Variants in CHL1 observed in about 807,000 individuals in gnomAD.
The protein encoded by CHL1 is neural cell adhesion molecule L1-like protein.
A neutral mutation model predicts 141.9 loss-of-function variants in CHL1; 96 were observed. The observed-to-expected ratio is 0.68, with a 90% CI of 0.57 to 0.80. CHL1 has a LOEUF of 0.80. Ranked by LOEUF, CHL1 falls within the 30% of genes least tolerant of loss-of-function variation. CHL1 has a pLI of 0.00. For synonymous variants in CHL1, 613 were observed against 502.2 expected, an observed-to-expected ratio of 1.22 and a Z score of -2.95; for missense variants, 1,820 against 1,457.2, an observed-to-expected ratio of 1.25 and a Z score of -4.05.
At chr3:211,958 G>A (rs1699937949) in intron 1 of CHL1, among the ~76,000 whole-genome samples, 1 of 152,156 alleles carries the variant, frequency 6.6e-6, no homozygotes. Flanking sequence ...CTGGAACTCG[G>A]ATGTCTGATT....
At chr3:340,971 T>C in intron 6 of CHL1, 55 bp downstream of exon 6, 3 of 1,524,028 alleles carry the variant, frequency 2.0e-6, no homozygotes, top group Non-Finnish European at 2.7e-6. Flanking sequence ...CTATCCATCA[T>C]ATCAATAACA....
chr3:400,504 A>G (rs1365088364), intron 26 of CHL1, among the ~76,000 whole-genome samples: 1 of 151,298 alleles, frequency 6.6e-6, no homozygotes, highest in East Asian at 2.0e-4. Flanking sequence ...AGCATTTCAT[A>G]TTGTAGAGCA....
intron 1 of CHL1, among the ~76,000 whole-genome samples, chr3:218,983 T>TA (rs1700575869): frequency 1.3e-5 from 2 of 151,450 alleles, no homozygotes; most frequent in Non-Finnish European, 1.5e-5. Context: ...CGTCAGTAAA[T>TA]AAAAAATACA....
intron 2 of CHL1, among the ~76,000 whole-genome samples, chr3:282,175 G>A (rs1696722117): frequency 6.6e-6 from 1 of 151,828 alleles, no homozygotes; most frequent in Non-Finnish European, 1.5e-5. Flanking sequence ...TATCTGTTCT[G>A]GGGAATACAA....
At chr3:236,208 G>A (rs780275081) in intron 1 of CHL1, among the ~76,000 whole-genome samples, 1 of 151,988 alleles carries the variant, frequency 6.6e-6, no homozygotes, top group Non-Finnish European at 1.5e-5. Flanking sequence ...ATCCACATTC[G>A]ACTGCAGAAA....
At chr3:259,861 G>A (rs965618133) in intron 2 of CHL1, among the ~76,000 whole-genome samples, 3 of 152,236 alleles carry the variant, frequency 2.0e-5, no homozygotes, top group Admixed American at 6.5e-5. Flanking sequence ...CATGGGGCCC[G>A]TTTAACTTAC....
intron 2 of CHL1, chr3:247,400 AC>A (rs1050515808): frequency 6.6e-6 from 1 of 152,066 alleles, no homozygotes; most frequent in African/African-American, 2.4e-5. Flanking sequence ...AATTCTCTAC[AC>A]ATTGGTCTCA....
At position 319,766 on chromosome 3, in the gene CHL1, C is replaced by T. The variant is rs1221497827; in HGVS notation, c.-11C>T. The stretch of plus-strand genomic sequence containing the variant: ...TTCATTCTTACCGGGTTGTCTTCTT[C>T]CTGAAGAGCAATGGAGCCGCTTTTA... On this transcript the variant is annotated 5_prime_UTR_variant, in exon 3 of 28. Coordinates refer to ENST00000256509, the MANE Select transcript of CHL1 (RefSeq NM_006614.4). The T allele has an allele frequency of 6.3e-7, 1 of 1,578,498 alleles. No individual in the cohort carries two copies. The highest frequency in any genetic ancestry group is 8.7e-7 in the Non-Finnish European group (1 of 1,150,794).
Position 360,352 on chromosome 3 carries a change from A to T in CHL1, c.1234A>T (p.Thr412Ser), listed in dbSNP as rs925877053. Residue 412 changes from threonine (T) to serine (S), a missense_variant, in exon 12 of 28, where the codon ACT (threonine) becomes TCT (serine). By Grantham distance (58) the Thr-to-Ser change is moderately conservative. Coordinates refer to ENST00000256509, the MANE Select transcript of CHL1 (RefSeq NM_006614.4). ...TTTTACCAACCTTCAACCAAATCAT[A>T]CTGCTGTGTACCAGTGTGAAGCCTC... is the stretch of plus-strand genomic sequence containing the variant. ...ISFTNLQPNH[T>S]AVYQCEASNV... 1.9e-6 allele frequency: 3 copies of T among 1,613,792 alleles called. No individual in the cohort carries two copies. The highest frequency in any genetic ancestry group is 1.3e-5 in the African/African-American group (1 of 74,984).
intron 2 of CHL1, among the ~76,000 whole-genome samples, chr3:260,806 G>A (rs893216753): frequency 6.6e-6 from 1 of 152,158 alleles, no homozygotes; most frequent in Non-Finnish European, 1.5e-5. Context: ...TAAGGGAGGA[G>A]AGCAATAAGA....
At chr3:259,300 G>A (rs997374245) in intron 2 of CHL1, among the ~76,000 whole-genome samples, 1 of 151,168 alleles carries the variant, frequency 6.6e-6, no homozygotes, top group African/African-American at 2.5e-5. Context: ...GTGTGTGTGC[G>A]TGCTTGTGTG....
At chr3:316,115 G>A (rs376292323) in intron 2 of CHL1, among the ~76,000 whole-genome samples, 3 of 151,918 alleles carry the variant, frequency 2.0e-5, no homozygotes, top group African/African-American at 7.3e-5. Flanking sequence ...CCAGTTGACC[G>A]GTGCCATCTT....
chr3:238,092 C>G (rs1331678813), intron 1 of CHL1, among the ~76,000 whole-genome samples: 1 of 152,110 alleles, frequency 6.6e-6, no homozygotes, highest in African/African-American at 2.4e-5. Flanking sequence ...TTTTGCAGTA[C>G]TAGTAGCTTA....
At chr3:371,723 T>G (rs894827698) in intron 15 of CHL1, among the ~76,000 whole-genome samples, 4 of 152,208 alleles carry the variant, frequency 2.6e-5, no homozygotes, top group African/African-American at 9.6e-5. Context: ...TATTTTGGTG[T>G]GTTTTTGCAT....
chr3:392,023 A>T (rs75866547), intron 23 of CHL1, among the ~76,000 whole-genome samples: 1,778 of 152,248 alleles, frequency 0.012, 35 homozygotes, highest in African/African-American at 0.041. Flanking sequence ...CCACTTATTT[A>T]TATATGTCTA....
intron 2 of CHL1, among the ~76,000 whole-genome samples, chr3:250,388 C>G (rs1238109123): frequency 1.3e-5 from 2 of 152,046 alleles, no homozygotes; most frequent in Non-Finnish European, 2.9e-5. Flanking sequence ...AGTGACAAGA[C>G]AAAGGAAAAG....
intron 14 of CHL1, among the ~76,000 whole-genome samples, chr3:365,239 C>T (rs750720816): frequency 2.0e-5 from 3 of 152,156 alleles, no homozygotes; most frequent in Admixed American, 6.5e-5. Flanking sequence ...AAGGATTGCA[C>T]GTTTTGAAAC....
At chr3:385,986 A>G (rs1707661556) in intron 19 of CHL1, among the ~76,000 whole-genome samples, 1 of 152,048 alleles carries the variant, frequency 6.6e-6, no homozygotes, top group Non-Finnish European at 1.5e-5. Flanking sequence ...TATTATCTTG[A>G]TGTGTCAGAG....
At chr3:212,313 A>C (rs1349835250) in intron 1 of CHL1, among the ~76,000 whole-genome samples, 1 of 151,996 alleles carries the variant, frequency 6.6e-6, no homozygotes, top group African/African-American at 2.4e-5. Flanking sequence ...ATAAAGCAAG[A>C]CTGTTCACCA....
Sources: allele counts gnomAD v4.1 joint callset (sites outside exome capture counted in the v4.1 genomes callset), GRCh38; gene constraint gnomAD v4.1.1; transcripts MANE v1.5; gene names NCBI Gene and HGNC (gene_info 2026-07-23, HGNC 2026-07-21).